Variants in SNTB1 observed in about 807,000 individuals in gnomAD.
The protein encoded by SNTB1 is beta-1-syntrophin.
Under a neutral mutation model 48.9 loss-of-function variants are expected in SNTB1, and 36 were observed. The observed-to-expected ratio is 0.74, with a 90% CI of 0.56 to 0.97. SNTB1 has a LOEUF of 0.97. SNTB1 is among the 50% of genes least tolerant of loss of function. The pLI is 0.00. For missense variants in SNTB1, 786 were observed against 703.4 expected (o/e 1.12, Z -1.33); for synonymous variants, 299 against 294.6 (o/e 1.01, Z -0.15).
chr8:120,671,558 G>T (rs1180533988), intron 2 of SNTB1, among the ~76,000 whole-genome samples: 1 of 152,196 alleles, frequency 6.6e-6, no homozygotes, highest in Non-Finnish European at 1.5e-5. Context: ...AGGCAAGGAA[G>T]GAGGATTCTT....
chr8:120,697,083 C>A (rs544948600), intron 1 of SNTB1, among the ~76,000 whole-genome samples: 18 of 152,332 alleles, frequency 1.2e-4, no homozygotes, highest in Non-Finnish European at 1.3e-4. Flanking sequence ...AAGTAACACT[C>A]TAAATCTCCA....
chr8:120,627,984 G>A (rs546202757), intron 3 of SNTB1, among the ~76,000 whole-genome samples: 1 of 152,294 alleles, frequency 6.6e-6, no homozygotes, highest in South Asian at 2.1e-4. Flanking sequence ...CAATAAGTAT[G>A]AATTACCAAC....
At chr8:120,758,670 A>G (rs906488842) in intron 1 of SNTB1, among the ~76,000 whole-genome samples, 4 of 152,146 alleles carry the variant, frequency 2.6e-5, no homozygotes, top group Non-Finnish European at 4.4e-5. Context: ...ACCACAACAT[A>G]GTGTACAGTC....
intron 2 of SNTB1, among the ~76,000 whole-genome samples, chr8:120,644,028 C>T (rs181094275): frequency 2.7e-4 from 41 of 152,190 alleles, no homozygotes; most frequent in African/African-American, 9.4e-4. Context: ...ATCTTAAAAC[C>T]ACCATAGAGA....
intron 1 of SNTB1, among the ~76,000 whole-genome samples, chr8:120,721,883 C>T (rs1318389309): frequency 6.8e-6 from 1 of 148,098 alleles, no homozygotes; most frequent in Non-Finnish European, 1.5e-5. Context: ...GCTATCCCCT[C>T]CCCCTGCCCC....
chr8:120,630,629 C>T (rs1163037841), intron 3 of SNTB1, among the ~76,000 whole-genome samples: 2 of 152,182 alleles, frequency 1.3e-5, no homozygotes, highest in African/African-American at 4.8e-5. Context: ...CCAATCAGCT[C>T]CTTCTCTTCT....
At chr8:120,700,705 A>T (rs4871098) in intron 1 of SNTB1, among the ~76,000 whole-genome samples, 1 of 152,032 alleles carries the variant, frequency 6.6e-6, no homozygotes, top group Non-Finnish European at 1.5e-5. Flanking sequence ...TCAGTAAAGT[A>T]CAAATTTGCT....
intron 3 of SNTB1, among the ~76,000 whole-genome samples, chr8:120,601,060 A>G (rs924520508): frequency 1.3e-5 from 2 of 152,184 alleles, no homozygotes; most frequent in Non-Finnish European, 2.9e-5. Context: ...ACAAAGAGGA[A>G]GGCAAGGCAG....
At chr8:120,766,065 G>C (rs1160486227) in intron 1 of SNTB1, among the ~76,000 whole-genome samples, 2 of 152,166 alleles carry the variant, frequency 1.3e-5, no homozygotes, top group Admixed American at 1.3e-4. Context: ...GCAGCCATTT[G>C]AATGTTTAAT....
At chr8:120,709,998 A>T (rs1365897110) in intron 1 of SNTB1, among the ~76,000 whole-genome samples, 1 of 152,166 alleles carries the variant, frequency 6.6e-6, no homozygotes, top group African/African-American at 2.4e-5. Flanking sequence ...CTAGAGAACA[A>T]GGACAGAGGG....
intron 5 of SNTB1, among the ~76,000 whole-genome samples, chr8:120,548,026 G>C (rs138627192): frequency 6.6e-6 from 1 of 152,134 alleles, no homozygotes; most frequent in African/African-American, 2.4e-5. Flanking sequence ...GGGTCTTGGG[G>C]GCGGATCCTT....
At chr8:120,763,787 AT>A (rs58183270) in intron 1 of SNTB1, among the ~76,000 whole-genome samples, 36,426 of 150,474 alleles carry the variant, frequency 0.24, 4,401 homozygotes, top group Middle Eastern at 0.28. Context: ...TCAACCTATG[AT>A]TTTTTTTTTG....
intron 1 of SNTB1, among the ~76,000 whole-genome samples, chr8:120,717,917 G>A (rs901688150): frequency 1.3e-5 from 2 of 152,220 alleles, no homozygotes; most frequent in African/African-American, 4.8e-5. Context: ...GCTTGAGATG[G>A]AAGAAAAGAG....
intron 1 of SNTB1, among the ~76,000 whole-genome samples, chr8:120,735,400 A>G (rs1175847393): frequency 6.6e-6 from 1 of 152,120 alleles, no homozygotes; most frequent in East Asian, 1.9e-4. Context: ...CCTCTTACAC[A>G]ATTTATATGT....
Position 120,571,162 on chromosome 8 carries a change from T to C in SNTB1, c.1136+3924A>G, listed in dbSNP as rs1417667852. On this transcript the variant is annotated intron_variant, in intron 4 of 6. Transcript: ENST00000517992. ...CAGAAACTGTGAGAACAAGGCTATG[T>C]ACGAGGGTAAATTTTATTTTCATGT... 1.6e-5 allele frequency: 19 copies of C among 1,212,432 alleles called. No individual in the cohort carries two copies. The Admixed American group carries it at 2.0e-4, about 12-fold the overall frequency. The allele number at this position is 1,212,432 out of a possible 1,614,324, so 75.1% of individuals were successfully genotyped here.
intron 2 of SNTB1, among the ~76,000 whole-genome samples, chr8:120,661,410 A>C (rs1280749964): frequency 6.6e-6 from 1 of 152,184 alleles, no homozygotes; most frequent in Non-Finnish European, 1.5e-5. Context: ...AGAGAAGAGA[A>C]ATTATTTGCC....
intron 1 of SNTB1, among the ~76,000 whole-genome samples, chr8:120,727,966 C>T (rs1222704144): frequency 6.6e-6 from 1 of 152,126 alleles, no homozygotes; most frequent in African/African-American, 2.4e-5. Context: ...TTCCTTCTCC[C>T]ACCCTTTCCC....
At chr8:120,636,985 A>G in intron 2 of SNTB1, 1 of 323,464 alleles carries the variant, frequency 3.1e-6, no homozygotes, top group Non-Finnish European at 6.2e-6. Context: ...TGATAATCTT[A>G]GGAATTCTTG....
At chr8:120,671,794 A>T (rs1817761654) in intron 2 of SNTB1, among the ~76,000 whole-genome samples, 3 of 152,242 alleles carry the variant, frequency 2.0e-5, no homozygotes, top group Admixed American at 6.5e-5. Context: ...ATTTTAACAT[A>T]AAAAGCTGGC....
Sources: allele counts gnomAD v4.1 joint callset (sites outside exome capture counted in the v4.1 genomes callset), GRCh38; gene constraint gnomAD v4.1.1; transcripts MANE v1.5; gene names NCBI Gene and HGNC (gene_info 2026-07-23, HGNC 2026-07-21).